The following OLFML2B variants were observed in gnomAD, a reference collection of about 807,000 sequenced individuals.
The protein encoded by OLFML2B is olfactomedin like 2B.
Under a neutral mutation model 74.9 loss-of-function variants are expected in OLFML2B, and 57 were observed. The ratio of observed to expected loss-of-function variants is 0.76; its 90% CI spans 0.61 to 0.95. The LOEUF is 0.95. Ranked by LOEUF, OLFML2B falls within the 40% of genes least tolerant of loss-of-function variation. OLFML2B has a pLI of 0.00. For synonymous variants in OLFML2B, 388 were observed against 405.8 expected, an observed-to-expected ratio of 0.96 and a Z score of 0.53; for missense variants, 986 against 970.6, an observed-to-expected ratio of 1.02 and a Z score of -0.21.
intron 7 of OLFML2B, 63 bp downstream of exon 7, chr1:161,984,741 G>A: frequency 6.5e-7 from 1 of 1,527,484 alleles, no homozygotes; most frequent in South Asian, 1.2e-5. Context: ...AGGCCTGGCT[G>A]TGATAAAAAC....
chr1:162,000,018 G>T lies in OLFML2B; in HGVS notation c.949+95C>A, dbSNP rs1690036776. ...AGTAATTGGAATGCTGTGTATGGAG[G>T]GGTGTATGGCTCCCAGGAATCCAGC... On this transcript the variant is annotated intron_variant, in intron 5 of 7. Coordinates refer to ENST00000294794, the MANE Select transcript of OLFML2B (RefSeq NM_015441.3). 63 of 872,854 alleles carry T rather than the reference G, an allele frequency of 7.2e-5. 1 individual carries two copies. The South Asian group carries it at 1.0e-3, about 14-fold the overall frequency. The allele number at this position is 872,854 out of a possible 1,614,324, so 54.1% of individuals were successfully genotyped here. A position where few individuals can be genotyped will look rare whatever the true frequency, so the allele number is the denominator to read the frequency against.
At position 162,006,361 on chromosome 1, in the gene OLFML2B, T is replaced by C. The variant is rs1183363975; in HGVS notation, c.659A>G (p.Asp220Gly). The C allele has an allele frequency of 1.2e-6, 2 of 1,613,160 alleles. No homozygotes were observed. The highest frequency in any genetic ancestry group is 2.2e-5 in the East Asian group (1 of 44,864). Residue 220 changes from aspartate to glycine, a missense_variant, in exon 4 of 8, where the codon GAT (aspartate) becomes GGT (glycine). Transcript: ENST00000294794. ...GKENCSENIL[D>G]SMPDIRSALQ... is the part of the protein sequence containing the mutation. ...GGCTGAGCGGATGTCTGGCATGCTA[T>C]CTAGGATGTTTTCAGAGCAATTTTC...
intron 1 of OLFML2B, among the ~76,000 whole-genome samples, chr1:162,022,134 T>C (rs1690718851): frequency 6.6e-6 from 1 of 152,034 alleles, no homozygotes; most frequent in African/African-American, 2.4e-5. Context: ...CACGTCATCA[T>C]GCCGGCTCTG....
At position 162,023,540 on chromosome 1, in the gene OLFML2B, C is replaced by G. The variant is rs888094300; in HGVS notation, c.-110G>C. 4.2e-5 allele frequency: 46 copies of G among 1,107,960 alleles called. No individual in the cohort carries two copies. Among genetic ancestry groups the G allele is most frequent in the Non-Finnish European group, 3.5e-5 (29 of 822,536 alleles). The allele number at this position is 1,107,960 out of a possible 1,614,324, so 68.6% of individuals were successfully genotyped here. On this transcript the variant is annotated 5_prime_UTR_variant, in exon 1 of 8. Transcript: ENST00000294794. Reference sequence around the variant, plus strand: ...CCTCGCTAGAGCCCGAAAGTGGCTGCTGAGAGCACCTTCTAAAGCTGGGTG... The same window carrying G: ...CCTCGCTAGAGCCCGAAAGTGGCTGGTGAGAGCACCTTCTAAAGCTGGGTG...
chr1:161,997,870 G>C lies in OLFML2B; in HGVS notation c.1429C>G (p.Pro477Ala). 6.2e-7 allele frequency: 1 copy of C among 1,614,126 alleles called. No homozygotes were observed. The highest frequency in any genetic ancestry group is 8.5e-7 in the Non-Finnish European group (1 of 1,180,004). ...PAGWGTTPAS[P>A]TLSPEEEDDI... ...TCTTCTTCTTCGGGGCTCAGCGTGG[G>C]GCTGGCAGGGGTTGTTCCCCACCCA... Residue 477 changes from proline (P) to alanine (A), a missense_variant, in exon 6 of 8, where the codon CCC becomes GCC. By Grantham distance (27) the Pro-to-Ala change is conservative. Transcript: ENST00000294794.
rs780489337 is a variant in OLFML2B, at chr1:162,023,292, T to A, written c.139A>T (p.Asn47Tyr). ...VAPAEDETLQ[N>Y]EADNQENVLS... The stretch of plus-strand genomic sequence containing the variant: ...ACGTTCTCCTGGTTGTCCGCCTCGT[T>A]TTGCAGAGTCTCGTCCTCCGCAGGC... The change falls in exon 1 of 8, where the codon AAC becomes TAC. Residue 47 changes from asparagine to tyrosine, a missense_variant. Transcript: ENST00000294794. 1 of 1,577,976 alleles carries A rather than the reference T, an allele frequency of 6.3e-7. No individual in the cohort carries two copies. Among genetic ancestry groups the A allele is most frequent in the African/African-American group, 1.4e-5 (1 of 73,536 alleles).
Position 161,998,319 on chromosome 1 carries a change from A to C in OLFML2B, c.980T>G (p.Val327Gly). 6.4e-7 allele frequency: 1 copy of C among 1,572,048 alleles called. No homozygotes were observed. The highest frequency in any genetic ancestry group is 8.7e-7 in the Non-Finnish European group (1 of 1,153,302). Residue 327 changes from valine (V) to glycine (G), a missense_variant, in exon 6 of 8, where the codon GTG (valine) becomes GGG (glycine). Coordinates refer to ENST00000294794, the MANE Select transcript of OLFML2B (RefSeq NM_015441.3). ...QDEFFSGDNG[V>G]DLLIEDQLLR... The stretch of plus-strand genomic sequence containing the variant: ...GAGCTGATCTTCAATCAGCAAATCC[A>C]CTCCATTGTCACCGCTGAAAAACTC...
chr1:162,003,132 C>T (rs569632454), intron 4 of OLFML2B, among the ~76,000 whole-genome samples: 7 of 152,324 alleles, frequency 4.6e-5, no homozygotes, highest in African/African-American at 1.7e-4. Context: ...CATTAAGCCT[C>T]TGCCTGCAGC....
chr1:162,009,680 C>T (rs939356119), intron 3 of OLFML2B, among the ~76,000 whole-genome samples: 7 of 152,174 alleles, frequency 4.6e-5, no homozygotes, highest in South Asian at 4.1e-4. Flanking sequence ...AAGAGGCTGG[C>T]GGTGGCATCA....
chr1:162,006,973 T>G (rs1690254006), intron 3 of OLFML2B, among the ~76,000 whole-genome samples: 2 of 152,228 alleles, frequency 1.3e-5, no homozygotes, highest in South Asian at 4.1e-4. Flanking sequence ...GCCTTTTTAG[T>G]GAGCACAAAC....
chr1:161,984,688 A>G (rs1689536015), intron 7 of OLFML2B, 116 bp downstream of exon 7: 11 of 1,079,692 alleles, frequency 1.0e-5, no homozygotes, highest in Middle Eastern at 2.4e-4. Flanking sequence ...TTTAGCCATC[A>G]GAAGAAGGTG....
chr1:162,021,170 G>C (rs572341032), intron 1 of OLFML2B, among the ~76,000 whole-genome samples: 1 of 152,244 alleles, frequency 6.6e-6, no homozygotes, highest in African/African-American at 2.4e-5. Context: ...GGATGGGTTA[G>C]ATGTGGAGAA....
chr1:161,997,884 G>A lies in OLFML2B; in HGVS notation c.1415C>T (p.Thr472Ile), dbSNP rs754942198. The change falls in exon 6 of 8, where the codon ACA becomes ATA. Residue 472 changes from threonine to isoleucine, a missense_variant. Coordinates refer to ENST00000294794, the MANE Select transcript of OLFML2B (RefSeq NM_015441.3). ...LGKDAPAGWG[T>I]TPASPTLSPE... ...GCTCAGCGTGGGGCTGGCAGGGGTT[G>A]TTCCCCACCCAGCAGGAGCATCTTT... 1 of 1,614,192 alleles carries A rather than the reference G, an allele frequency of 6.2e-7. No individual in the cohort carries two copies. The highest frequency in any genetic ancestry group is 1.1e-5 in the South Asian group (1 of 91,078).
chr1:161,988,781 T>C (rs908163676), intron 6 of OLFML2B, among the ~76,000 whole-genome samples: 1 of 152,136 alleles, frequency 6.6e-6, no homozygotes, highest in Non-Finnish European at 1.5e-5. Flanking sequence ...GCCCAGGTCC[T>C]GATTCTGAGC....
At chr1:161,993,752 C>G (rs1367118651) in intron 6 of OLFML2B, among the ~76,000 whole-genome samples, 1 of 152,328 alleles carries the variant, frequency 6.6e-6, no homozygotes, top group East Asian at 1.9e-4. Flanking sequence ...TTCTTCTCTG[C>G]CCTCTGAGCC....
intron 4 of OLFML2B, among the ~76,000 whole-genome samples, chr1:162,005,058 C>A (rs1029572342): frequency 1.3e-5 from 2 of 152,248 alleles, no homozygotes; most frequent in Non-Finnish European, 2.9e-5. Flanking sequence ...CTCTTCAAGT[C>A]CTGCCACCAA....
intron 6 of OLFML2B, among the ~76,000 whole-genome samples, chr1:161,995,257 C>T (rs1289009454): frequency 1.4e-4 from 21 of 152,108 alleles, no homozygotes; most frequent in Admixed American, 1.4e-3. Context: ...CCTCCTCTCA[C>T]CCCTTGGCAT....
At chr1:161,987,103 C>T (rs1318020575) in intron 6 of OLFML2B, among the ~76,000 whole-genome samples, 1 of 152,258 alleles carries the variant, frequency 6.6e-6, no homozygotes, top group East Asian at 1.9e-4. Flanking sequence ...TGGCTCTGCT[C>T]TTGGCCCAGC....
At position 161,983,609 on chromosome 1, in the gene OLFML2B, C is replaced by A; in HGVS notation, c.*66G>T. 2 of 1,515,288 alleles carry A rather than the reference C, an allele frequency of 1.3e-6. No individual in the cohort carries two copies. The highest frequency in any genetic ancestry group is 2.5e-5 in the South Asian group (2 of 78,938). 93.9% of individuals were successfully genotyped at this position (1,515,288 alleles called of 1,614,324 possible). A position where few individuals can be genotyped will look rare whatever the true frequency, so the allele number is the denominator to read the frequency against. On this transcript the variant is annotated 3_prime_UTR_variant, in exon 8 of 8. Transcript: ENST00000294794. ...ACACATACCCACCTACACACACGTG[C>A]GCGCACACACATACACACAAGGTGC...
Sources: gnomAD v4.1 joint callset for allele counts (sites outside exome capture counted in the v4.1 genomes callset) on GRCh38, gnomAD v4.1.1 for gene constraint, MANE v1.5 for transcripts, NCBI Gene and HGNC (gene_info 2026-07-23, HGNC 2026-07-21) for gene names.